Variants in METTL24 observed in about 807,000 individuals in gnomAD.
METTL24 encodes the protein methyltransferase like 24, also known as probable methyltransferase-like protein 24.
In METTL24, 29 loss-of-function variants were observed where a neutral mutation model predicts 32.7. The ratio of observed to expected loss-of-function variants is 0.89; its 90% confidence interval spans 0.66 to 1.21. The LOEUF (loss-of-function observed/expected upper bound fraction) is 1.21, where lower values mean the gene tolerates loss of function less well. METTL24 is among the 50% of genes most tolerant of loss of function. The pLI is 0.00. For synonymous variants in METTL24, 163 were observed against 179.5 expected, an observed-to-expected ratio of 0.91 and a Z score of 0.73; for missense variants, 439 against 468.1, an observed-to-expected ratio of 0.94 and a Z score of 0.57.
chr6:110,245,880 G>T lies in METTL24; in HGVS notation c.*66C>A. 1 of 1,463,592 alleles carries T rather than the reference G, an allele frequency of 6.8e-7. No individual in the cohort carries two copies. The highest frequency in any genetic ancestry group is 9.3e-7 in the Non-Finnish European group (1 of 1,077,604). The allele number at this position is 1,463,592 out of a possible 1,614,324, so 90.7% of individuals were successfully genotyped here. The stretch of plus-strand genomic sequence containing the variant: ...CAGGAGACTGGATGAGTAAACTCAT[G>T]ATTAGAATTATGGACATGCTGCATT... On this transcript the variant is annotated 3_prime_UTR_variant, in exon 5 of 5. Transcript: ENST00000338882.
At position 110,245,839 on chromosome 6, in the gene METTL24, G is replaced by A; in HGVS notation, c.*107C>T. The A allele has an allele frequency of 1.7e-6, 2 of 1,150,804 alleles. No individual in the cohort carries two copies. Among genetic ancestry groups the A allele is most frequent in the Non-Finnish European group, 2.5e-6 (2 of 808,126 alleles). The allele number at this position is 1,150,804 out of a possible 1,614,324, so 71.3% of individuals were successfully genotyped here. ...CGCAATAACACACTCCCTGCCTCAA[G>A]CAGGGCACAGGCTAGCAGGAGACTG... On this transcript the variant is annotated 3_prime_UTR_variant, in exon 5 of 5. Transcript: ENST00000338882.
intron 4 of METTL24, among the ~76,000 whole-genome samples, chr6:110,271,386 C>G (rs893939201): frequency 6.6e-6 from 1 of 152,148 alleles, no homozygotes; most frequent in African/African-American, 2.4e-5. Flanking sequence ...ACCCCCACCT[C>G]CCTCGCACAA....
chr6:110,279,881 A>G (rs1193395450), intron 4 of METTL24, among the ~76,000 whole-genome samples: 1 of 152,194 alleles, frequency 6.6e-6, no homozygotes, highest in African/African-American at 2.4e-5. Flanking sequence ...ATTGGCTCCC[A>G]GTTTCACAGG....
intron 1 of METTL24, among the ~76,000 whole-genome samples, chr6:110,342,266 C>CA (rs1199718410): frequency 6.6e-6 from 1 of 152,176 alleles, no homozygotes. Context: ...TCTGATTCTG[C>CA]AATGCGTCTG....
chr6:110,253,771 C>T (rs1237390051), intron 4 of METTL24: 4 of 804,106 alleles, frequency 5.0e-6, no homozygotes, highest in Admixed American at 4.1e-5. Flanking sequence ...CTGAAACACA[C>T]ATTTTCTACA....
intron 1 of METTL24, among the ~76,000 whole-genome samples, chr6:110,356,062 G>T (rs1772690756): frequency 6.6e-6 from 1 of 152,070 alleles, no homozygotes; most frequent in Non-Finnish European, 1.5e-5. Flanking sequence ...GAATCTAAAA[G>T]GAAAACTGCA....
chr6:110,351,056 C>T (rs1334224734), intron 1 of METTL24, among the ~76,000 whole-genome samples: 4 of 151,924 alleles, frequency 2.6e-5, no homozygotes, highest in Non-Finnish European at 4.4e-5. Flanking sequence ...TGCAGTGAGC[C>T]GAGATCGCGC....
chr6:110,335,393 T>C (rs143140684), intron 1 of METTL24, among the ~76,000 whole-genome samples: 99 of 151,942 alleles, frequency 6.5e-4, no homozygotes, highest in African/African-American at 2.2e-3. Flanking sequence ...TGATGAAATC[T>C]CGAATATATT....
intron 2 of METTL24, among the ~76,000 whole-genome samples, chr6:110,318,613 C>G (rs1771870711): frequency 7.0e-6 from 1 of 142,138 alleles, no homozygotes; most frequent in South Asian, 2.2e-4. Flanking sequence ...GATTGCGCCA[C>G]TGCACTTCAG....
At chr6:110,256,949 C>A (rs146661384) in intron 4 of METTL24, among the ~76,000 whole-genome samples, 142 of 152,280 alleles carry the variant, frequency 9.3e-4, no homozygotes, top group African/African-American at 3.3e-3. Context: ...TGCTGGTCAT[C>A]TCCCCCTCTG....
chr6:110,280,075 G>T (rs566776432), intron 4 of METTL24, among the ~76,000 whole-genome samples: 1 of 152,204 alleles, frequency 6.6e-6, no homozygotes, highest in South Asian at 2.1e-4. Context: ...CTATTGCGAG[G>T]ACAGTACCAA....
intron 1 of METTL24, among the ~76,000 whole-genome samples, chr6:110,349,452 T>C (rs1199698156): frequency 2.0e-5 from 3 of 152,176 alleles, no homozygotes; most frequent in Non-Finnish European, 4.4e-5. Context: ...CCGCAACAGA[T>C]ATCTGGCACA....
intron 1 of METTL24, among the ~76,000 whole-genome samples, chr6:110,332,951 A>AT (rs1201672083): frequency 6.6e-6 from 1 of 151,660 alleles, no homozygotes; most frequent in Non-Finnish European, 1.5e-5. Flanking sequence ...AGCAAAGGGA[A>AT]TTTAGAAAAA....
chr6:110,255,003 C>T (rs988570669), intron 4 of METTL24, among the ~76,000 whole-genome samples: 10 of 151,936 alleles, frequency 6.6e-5, no homozygotes, highest in African/African-American at 2.4e-4. Context: ...CTTTAAACAC[C>T]CTAAATCAGT....
chr6:110,325,384 T>C (rs1014711626), intron 1 of METTL24, among the ~76,000 whole-genome samples: 7 of 152,344 alleles, frequency 4.6e-5, no homozygotes, highest in Middle Eastern at 3.4e-3. Context: ...AGACAGTAAG[T>C]AAACAAATGG....
intron 4 of METTL24, among the ~76,000 whole-genome samples, chr6:110,270,624 G>A (rs911290361): frequency 1.3e-5 from 2 of 152,038 alleles, no homozygotes; most frequent in African/African-American, 4.8e-5. Flanking sequence ...CTAAATAACG[G>A]CTTCCTTCAG....
intron 1 of METTL24, 22 bp downstream of exon 1, chr6:110,357,933 G>T: frequency 8.3e-7 from 1 of 1,205,854 alleles, no homozygotes; most frequent in South Asian, 3.9e-5. Context: ...CCAGGCCCAA[G>T]ACCGACCGCT....
intron 4 of METTL24, among the ~76,000 whole-genome samples, chr6:110,262,217 T>G (rs2114700648): frequency 6.6e-6 from 1 of 152,200 alleles, no homozygotes; most frequent in South Asian, 2.1e-4. Context: ...GATAGACTGC[T>G]AGCAAGATTA....
At chr6:110,254,459 C>T (rs1384083933) in intron 4 of METTL24, among the ~76,000 whole-genome samples, 4 of 152,044 alleles carry the variant, frequency 2.6e-5, no homozygotes, top group African/African-American at 9.7e-5. Flanking sequence ...TGGCAAAATG[C>T]TGTCTCTACT....
Sources: allele counts gnomAD v4.1 joint callset (sites outside exome capture counted in the v4.1 genomes callset), GRCh38; gene constraint gnomAD v4.1.1; transcripts MANE v1.5; gene names NCBI Gene and HGNC (gene_info 2026-07-23, HGNC 2026-07-21).